SEMA5A: variants seen among roughly 807,000 people sequenced by gnomAD.
SEMA5A encodes the protein semaphorin-5A.
Under a neutral mutation model 135.5 loss-of-function variants are expected in SEMA5A, and 55 were observed. That is an observed-to-expected ratio of 0.41 (90% CI 0.33 to 0.51). SEMA5A has a LOEUF of 0.51. Among genes scored for constraint, SEMA5A ranks in the 20% least tolerant of loss-of-function variants. The pLI, the probability that SEMA5A is intolerant of heterozygous loss-of-function variation, is 0.37. For synonymous variants in SEMA5A, 580 were observed against 546.5 expected, an observed-to-expected ratio of 1.06 and a Z score of -0.85; for missense variants, 1,290 against 1,419.9, an observed-to-expected ratio of 0.91 and a Z score of 1.47.
intron 5 of SEMA5A, among the ~76,000 whole-genome samples, chr5:9,285,919 G>T (rs1321858564): frequency 6.6e-6 from 1 of 152,152 alleles, no homozygotes; most frequent in Non-Finnish European, 1.5e-5. Flanking sequence ...CTGACACAAA[G>T]TAATGATAAA....
chr5:9,389,640 C>A (rs1388381814), intron 2 of SEMA5A, among the ~76,000 whole-genome samples: 3 of 152,156 alleles, frequency 2.0e-5, no homozygotes, highest in Non-Finnish European at 4.4e-5. Context: ...AACCCATGCC[C>A]TCCTCTGGAA....
intron 11 of SEMA5A, among the ~76,000 whole-genome samples, chr5:9,183,908 A>T (rs1214491907): frequency 1.3e-5 from 2 of 152,186 alleles, no homozygotes; most frequent in Non-Finnish European, 2.9e-5. Context: ...TTAGCCTAGA[A>T]TAACATTCTT....
intron 5 of SEMA5A, among the ~76,000 whole-genome samples, chr5:9,256,449 C>T (rs1274690274): frequency 2.6e-5 from 4 of 152,182 alleles, no homozygotes; most frequent in Non-Finnish European, 5.9e-5. Flanking sequence ...TGCTTTCCCT[C>T]ACCTGTGCCT....
intron 5 of SEMA5A, among the ~76,000 whole-genome samples, chr5:9,275,028 T>C (rs1475479661): frequency 1.3e-5 from 2 of 151,446 alleles, no homozygotes; most frequent in Non-Finnish European, 2.9e-5. Context: ...CTCAAAAAAA[T>C]CAATGAATCC....
chr5:9,300,678 A>G (rs560322151), intron 5 of SEMA5A, among the ~76,000 whole-genome samples: 1 of 152,196 alleles, frequency 6.6e-6, no homozygotes, highest in Non-Finnish European at 1.5e-5. Context: ...TAGCAAATGT[A>G]ATTAAGAATC....
chr5:9,060,456 T>A (rs1273672635), intron 18 of SEMA5A, among the ~76,000 whole-genome samples: 3 of 152,124 alleles, frequency 2.0e-5, no homozygotes, highest in Non-Finnish European at 2.9e-5. Context: ...GGAGGGACCC[T>A]GACATTCCCA....
intron 3 of SEMA5A, among the ~76,000 whole-genome samples, chr5:9,374,797 C>T (rs191943426): frequency 1.3e-5 from 2 of 152,234 alleles, no homozygotes; most frequent in Admixed American, 1.3e-4. Flanking sequence ...CTCCCGCACC[C>T]ACCCCCACCC....
intron 1 of SEMA5A, among the ~76,000 whole-genome samples, chr5:9,488,063 A>G (rs1204485449): frequency 6.6e-6 from 1 of 152,136 alleles, no homozygotes; most frequent in Non-Finnish European, 1.5e-5. Context: ...TCATACGGGG[A>G]TAGCTGACCT....
At chr5:9,062,500 C>G (rs1446776963) in intron 18 of SEMA5A, among the ~76,000 whole-genome samples, 1 of 152,172 alleles carries the variant, frequency 6.6e-6, no homozygotes, top group Non-Finnish European at 1.5e-5. Context: ...AGGTCTCGCT[C>G]TGTTACCCAG....
intron 2 of SEMA5A, among the ~76,000 whole-genome samples, chr5:9,392,876 T>C (rs1756227807): frequency 6.6e-6 from 1 of 152,248 alleles, no homozygotes; most frequent in Non-Finnish European, 1.5e-5. Context: ...ATCCACTTTA[T>C]TTTAGCCATT....
chr5:9,544,560 C>CT (rs1220879963), intron 1 of SEMA5A, among the ~76,000 whole-genome samples: 1 of 151,998 alleles, frequency 6.6e-6, no homozygotes, highest in Non-Finnish European at 1.5e-5. Flanking sequence ...CCTGGTTCTG[C>CT]TGTTTGTTGC....
At chr5:9,339,533 G>A (rs899850181) in intron 3 of SEMA5A, among the ~76,000 whole-genome samples, 2 of 152,098 alleles carry the variant, frequency 1.3e-5, no homozygotes, top group African/African-American at 4.8e-5. Flanking sequence ...AATGCGATAG[G>A]AAATAATAAA....
At chr5:9,071,158 C>T (rs1039707563) in intron 16 of SEMA5A, among the ~76,000 whole-genome samples, 1 of 152,226 alleles carries the variant, frequency 6.6e-6, no homozygotes, top group African/African-American at 2.4e-5. Flanking sequence ...AATATGTTCC[C>T]CACGTATTAT....
Position 9,396,135 on chromosome 5 carries a change from G to T in SEMA5A, c.-77-16112C>A, listed in dbSNP as rs190747059. 3.4e-3 allele frequency among the ~76,000 whole-genome samples: 522 copies of T among 152,216 alleles called. 2 individuals carry two copies. The highest frequency in any genetic ancestry group is 5.2e-3 in the Non-Finnish European group (353 of 68,014). On this transcript the variant is annotated intron_variant, in intron 2 of 22. Coordinates refer to ENST00000382496, the MANE Select transcript of SEMA5A (RefSeq NM_003966.3). ...CTGGAAAAAAGTTAGTTTACAACTT[G>T]TAGGATCAGGCAGTACTTTAATGAC...
chr5:9,045,898 C>G (rs949145871), intron 21 of SEMA5A: 6 of 152,154 alleles, frequency 3.9e-5, no homozygotes, highest in Non-Finnish European at 7.3e-5. Flanking sequence ...CATACCAAGA[C>G]CTGTGTTATG....
At chr5:9,514,674 T>G (rs895495806) in intron 1 of SEMA5A, among the ~76,000 whole-genome samples, 1 of 152,224 alleles carries the variant, frequency 6.6e-6, no homozygotes, top group Non-Finnish European at 1.5e-5. Flanking sequence ...AGAAAAAGTC[T>G]GTACATGTTC....
Position 9,224,800 on chromosome 5 carries a change from T to C in SEMA5A, c.520A>G (p.Thr174Ala). 1.2e-6 allele frequency: 2 copies of C among 1,613,822 alleles called. No individual in the cohort carries two copies. The highest frequency in any genetic ancestry group is 1.7e-6 in the Non-Finnish European group (2 of 1,179,790). The stretch of plus-strand genomic sequence containing the variant: ...GCAGCATAGAGCTCCCCACCAGCTG[T>C]GAGGAGCGCTGTGGAATTGTGCTGG... ...SPQHNSTALL[T>A]AGGELYAATA... The change falls in exon 8 of 23, where the codon ACA becomes GCA. Residue 174 changes from threonine to alanine, a missense_variant. Thr to Ala is a moderately conservative substitution (Grantham distance 58). This residue lies in a region of SEMA5A where 145 missense variants were observed against 212.0 expected (regional missense o/e 0.68). Coordinates refer to ENST00000382496, the MANE Select transcript of SEMA5A (RefSeq NM_003966.3).
chr5:9,425,162 C>A (rs57159345), intron 2 of SEMA5A, among the ~76,000 whole-genome samples: 5,259 of 152,260 alleles, frequency 0.035, 106 homozygotes, highest in Non-Finnish European at 0.037. Flanking sequence ...CCAAAGTTGT[C>A]CCCTGTTCAC....
intron 12 of SEMA5A, among the ~76,000 whole-genome samples, chr5:9,141,516 T>C (rs968290300): frequency 5.3e-5 from 8 of 152,206 alleles, no homozygotes; most frequent in Non-Finnish European, 1.2e-4. Context: ...TATTTGAAAG[T>C]ATCTGAATTT....
Sources: gnomAD v4.1 joint callset for allele counts (sites outside exome capture counted in the v4.1 genomes callset) on GRCh38, gnomAD v4.1.1 for gene constraint, gnomAD v4.1.1 regional missense constraint, MANE v1.5 for transcripts, NCBI Gene and HGNC (gene_info 2026-07-23, HGNC 2026-07-21) for gene names.